ARHGAP5: variants seen among roughly 807,000 people sequenced by gnomAD.
ARHGAP5 encodes Rho GTPase activating protein 5.
In ARHGAP5, 23 loss-of-function variants were observed where a neutral mutation model predicts 116.6. The observed-to-expected ratio is 0.20, with a 90% confidence interval of 0.14 to 0.28. The LOEUF (loss-of-function observed/expected upper bound fraction) is 0.28. Ranked by LOEUF, ARHGAP5 falls within the 10% of genes least tolerant of loss-of-function variation. The pLI, the probability that ARHGAP5 is intolerant of heterozygous loss-of-function variation, is 1.00. For missense variants in ARHGAP5, 1,405 were observed against 1,774.8 expected (o/e 0.79, Z 3.74); for synonymous variants, 574 against 602.0 (o/e 0.95, Z 0.68).
At chr14:32,146,462 G>A in intron 4 of ARHGAP5, 122 bp downstream of exon 4, 5 of 681,096 alleles carry the variant, frequency 7.3e-6, no homozygotes, top group South Asian at 3.7e-5. Flanking sequence ...AGGAGAGAGG[G>A]TTTCAAAGTG....
At chr14:32,094,684 C>G (rs1326934283) in intron 2 of ARHGAP5, among the ~76,000 whole-genome samples, 2 of 152,040 alleles carry the variant, frequency 1.3e-5, no homozygotes, top group East Asian at 3.9e-4. Context: ...TTGTAATCAT[C>G]CTATTTTTCT....
rs1878343031 is a variant in ARHGAP5 at position 32,093,013 on chromosome 14, A to T, written c.2344A>T (p.Met782Leu). The change falls in exon 2 of 7, where the codon ATG (methionine) becomes TTG (leucine). Residue 782 changes from methionine (M) to leucine (L), a missense_variant. Physicochemically the swap from Met to Leu is conservative, Grantham distance 15. This residue lies in a region of ARHGAP5 where 944 missense variants were observed against 1,095.3 expected (regional missense o/e 0.86). Coordinates refer to ENST00000345122, the MANE Select transcript of ARHGAP5 (RefSeq NM_001030055.2). ...DLSEADLRIV[M>L]CAMCGDPFSV... ...ATCAGAAGCTGACTTGAGAATTGTC[A>T]TGTGCGCCATGTGTGGAGATCCATT... The T allele has an allele frequency of 6.2e-7, 1 of 1,614,084 alleles. No homozygotes were observed. The highest frequency in any genetic ancestry group is 8.5e-7 in the Non-Finnish European group (1 of 1,179,966).
chr14:32,091,372 A>G lies in ARHGAP5; in HGVS notation c.703A>G (p.Ile235Val). 6.2e-6 allele frequency: 10 copies of G among 1,611,936 alleles called. No homozygotes were observed. Among genetic ancestry groups the G allele is most frequent in the Non-Finnish European group, 8.5e-6 (10 of 1,179,206 alleles). Residue 235 changes from isoleucine to valine, a missense_variant, in exon 2 of 7, where the codon ATT becomes GTT. Ile to Val is a conservative substitution (Grantham distance 29). Coordinates refer to ENST00000345122, the MANE Select transcript of ARHGAP5 (RefSeq NM_001030055.2). ...AACATCAGCACGATTTAATGTCAAC[A>G]TTGAAACATGTTTTACTGCACTGGT... ...VETSARFNVN[I>V]ETCFTALVQM...
At chr14:32,084,432 C>A (rs1396018521) in intron 1 of ARHGAP5, among the ~76,000 whole-genome samples, 1 of 151,954 alleles carries the variant, frequency 6.6e-6, no homozygotes, top group Non-Finnish European at 1.5e-5. Flanking sequence ...TGTAATGGGC[C>A]CAAAGCAGTA....
intron 4 of ARHGAP5, among the ~76,000 whole-genome samples, chr14:32,149,562 G>T (rs1226006500): frequency 2.0e-5 from 3 of 152,064 alleles, no homozygotes; most frequent in African/African-American, 7.2e-5. Flanking sequence ...CTGAGGGTCA[G>T]GAGTTCGAGA....
intron 3 of ARHGAP5, among the ~76,000 whole-genome samples, chr14:32,143,448 C>G (rs939992037): frequency 1.7e-4 from 26 of 152,062 alleles, no homozygotes; most frequent in African/African-American, 6.3e-4. Flanking sequence ...GTTTCACCCT[C>G]TTAGCCAGGA....
chr14:32,144,960 C>A (rs966606925), intron 3 of ARHGAP5, among the ~76,000 whole-genome samples: 3 of 152,152 alleles, frequency 2.0e-5, no homozygotes, highest in Non-Finnish European at 2.9e-5. Flanking sequence ...ATTTATCATT[C>A]AAGTTGACAT....
chr14:32,128,329 C>T (rs950198853), intron 3 of ARHGAP5, among the ~76,000 whole-genome samples: 3 of 152,232 alleles, frequency 2.0e-5, no homozygotes, highest in Non-Finnish European at 2.9e-5. Context: ...CCAAGGCAGG[C>T]GGCTGGGAGG....
chr14:32,122,502 T>A (rs1879937798), intron 3 of ARHGAP5, among the ~76,000 whole-genome samples: 1 of 152,182 alleles, frequency 6.6e-6, no homozygotes, highest in South Asian at 2.1e-4. Context: ...AAGGATAAAG[T>A]TTTCAATTTT....
chr14:32,109,304 G>A (rs1417479591), intron 2 of ARHGAP5, among the ~76,000 whole-genome samples: 1 of 151,812 alleles, frequency 6.6e-6, no homozygotes, highest in African/African-American at 2.4e-5. Context: ...AAGAAAAAAA[G>A]AAAAAGGAAG....
intron 2 of ARHGAP5, among the ~76,000 whole-genome samples, chr14:32,100,865 A>G (rs1878760803): frequency 6.6e-6 from 1 of 152,188 alleles, no homozygotes; most frequent in Non-Finnish European, 1.5e-5. Flanking sequence ...AGAAAATCTG[A>G]GTTGTATTAT....
chr14:32,091,397 T>C lies in ARHGAP5; in HGVS notation c.728T>C (p.Val243Ala). 6.2e-7 allele frequency: 1 copy of C among 1,611,338 alleles called. No individual in the cohort carries two copies. The highest frequency in any genetic ancestry group is 1.1e-5 in the South Asian group (1 of 90,334). Reference protein sequence around the residue: ...VNIETCFTALVQMLDKTRSKP... With the variant: ...VNIETCFTALAQMLDKTRSKP... ...ATTGAAACATGTTTTACTGCACTGG[T>C]ACAAATGTTGGATAAAACTCGTAGC... Residue 243 changes from valine to alanine, a missense_variant, in exon 2 of 7, where the codon GTA becomes GCA. Physicochemically the swap from Val to Ala is moderately conservative, Grantham distance 64. Transcript: ENST00000345122.
Position 32,150,045 on chromosome 14 carries a change from C to A in ARHGAP5, c.4075+12C>A. On this transcript the variant is annotated intron_variant, in intron 5 of 6. Transcript: ENST00000345122. ...ATTGGAAGCAGCAAGTAAGTATAAA[C>A]CTCCTTTTTATGAGAGGGATGATAA... 6.4e-7 allele frequency: 1 copy of A among 1,561,490 alleles called. No homozygotes were observed. Among genetic ancestry groups the A allele is most frequent in the Non-Finnish European group, 8.6e-7 (1 of 1,159,090 alleles).
chr14:32,154,306 C>T (rs982420830), intron 6 of ARHGAP5: 3 of 233,838 alleles, frequency 1.3e-5, no homozygotes, highest in East Asian at 1.1e-4. Flanking sequence ...TTTGTCACTA[C>T]GCCTGGCTAA....
chr14:32,105,847 G>C (rs933020555), intron 2 of ARHGAP5, among the ~76,000 whole-genome samples: 1 of 152,128 alleles, frequency 6.6e-6, no homozygotes, highest in African/African-American at 2.4e-5. Context: ...GTCATTTCAA[G>C]GATGTTATAT....
chr14:32,104,514 C>T (rs752070655), intron 2 of ARHGAP5, among the ~76,000 whole-genome samples: 1 of 152,132 alleles, frequency 6.6e-6, no homozygotes, highest in Non-Finnish European at 1.5e-5. Context: ...TGTGTTTGGA[C>T]TTTCAGCCAG....
Position 32,141,057 on chromosome 14 carries a change from A to C in ARHGAP5, c.3866-5206A>C, listed in dbSNP as rs557564183. ...GGAGTCTCCCTGTTACTGATGTATA[A>C]TGTCCTTCTATGCTCTTGTAACAGT... On this transcript the variant is annotated intron_variant, in intron 3 of 6. Transcript: ENST00000345122. Among the ~76,000 whole-genome samples the C allele has an allele frequency of 3.3e-5, 5 of 152,274 alleles. No homozygotes were observed. In the South Asian group the frequency reaches 1.0e-3, roughly 32 times the overall value.
At chr14:32,139,303 G>A (rs1376077662) in intron 3 of ARHGAP5, among the ~76,000 whole-genome samples, 1 of 151,890 alleles carries the variant, frequency 6.6e-6, no homozygotes, top group African/African-American at 2.4e-5. Context: ...ACTTTTTTAA[G>A]GGTTTGGCAT....
intron 3 of ARHGAP5, among the ~76,000 whole-genome samples, chr14:32,137,273 G>T (rs114756466): frequency 1.3e-5 from 2 of 148,214 alleles, no homozygotes; most frequent in East Asian, 2.0e-4. Flanking sequence ...ATCTAAATTC[G>T]TTCTTAAGCA....
Sources: allele counts gnomAD v4.1 joint callset (sites outside exome capture counted in the v4.1 genomes callset), GRCh38; gene constraint gnomAD v4.1.1; regional missense constraint gnomAD v4.1.1; transcripts MANE v1.5; gene names NCBI Gene and HGNC (gene_info 2026-07-23, HGNC 2026-07-21).